KIF1B: variants seen among roughly 807,000 people sequenced by gnomAD.
The protein encoded by KIF1B is kinesin family member 1B.
A neutral mutation model predicts 241.9 loss-of-function variants in KIF1B; 76 were observed. That is an observed-to-expected ratio of 0.31 (90% CI 0.26 to 0.38). The LOEUF (loss-of-function observed/expected upper bound fraction) is 0.38, where lower values mean the gene tolerates loss of function less well. Among genes scored for constraint, KIF1B ranks in the 10% least tolerant of loss-of-function variants. The probability of loss-of-function intolerance (pLI) is 1.00; values close to 1 mark genes in which losing one functional copy is unlikely to be tolerated. For missense variants in KIF1B, 1,622 were observed against 2,271.4 expected (o/e 0.71, Z 5.81); for synonymous variants, 750 against 796.7 (o/e 0.94, Z 0.99).
rs568393252 is a variant in KIF1B at position 10,332,501 on chromosome 1, A to ATTTT, written c.2925-1990_2925-1987dup. ...GTCACCCTGCCTGAAGATAATAGTC[A>ATTTT]TTTTTTTTTTTTTTTTTTTTTTTTT... On this transcript the variant is annotated intron_variant, in intron 27 of 48. Transcript: ENST00000676179. Among the ~76,000 whole-genome samples, 75 of 58,694 alleles carry ATTTT rather than the reference A, an allele frequency of 1.3e-3. 13 individuals are homozygous for ATTTT. The highest frequency in any genetic ancestry group is 4.3e-3 in the African/African-American group (66 of 15,260). 38.5% of individuals were successfully genotyped at this position (58,694 alleles called of 152,430 possible).
intron 43 of KIF1B, among the ~76,000 whole-genome samples, chr1:10,367,323 T>C (rs1432552868): frequency 1.3e-5 from 2 of 151,438 alleles, no homozygotes; most frequent in African/African-American, 4.8e-5. Flanking sequence ...CTTGAACTCC[T>C]GACCTCAGGT....
chr1:10,297,288 C>G (rs1287942005), intron 22 of KIF1B, 42 bp downstream of exon 22: 1 of 1,558,858 alleles, frequency 6.4e-7, no homozygotes, highest in Non-Finnish European at 8.8e-7. Flanking sequence ...AAAAGGGCAG[C>G]TTGTTCCCAT....
chr1:10,268,064 T>G, intron 6 of KIF1B, 88 bp from the exon 7 acceptor site: 2 of 836,320 alleles, frequency 2.4e-6, no homozygotes, highest in Non-Finnish European at 2.0e-6. Flanking sequence ...TGCTTGTGAT[T>G]GTTATGCTTA....
Position 10,282,443 on chromosome 1 carries a change from C to T in KIF1B, c.1344C>T (p.Leu448=). The T allele has an allele frequency of 1.2e-6, 2 of 1,614,132 alleles. No homozygotes were observed. The highest frequency in any genetic ancestry group is 1.7e-6 in the Non-Finnish European group (2 of 1,179,990). ...SLTSSPSSCS[L]SSQVGLTSVT... ...CTTCATCCCCATCTTCCTGCTCACT[C>T]AGTAGTCAGGTGGGCTTGACGTCTG... is the stretch of plus-strand genomic sequence containing the variant. The change falls in exon 15 of 49, where the codon CTC becomes CTT. Residue 448 remains leucine, a synonymous_variant. Transcript: ENST00000676179.
At chr1:10,274,901 C>T (rs1167992668) in intron 10 of KIF1B, 4 of 390,848 alleles carry the variant, frequency 1.0e-5, no homozygotes, top group East Asian at 8.9e-5. Context: ...AAAACATGAC[C>T]TTTTCCTTCA....
At chr1:10,220,401 A>T (rs142891032) in intron 1 of KIF1B, among the ~76,000 whole-genome samples, 4 of 54,666 alleles carry the variant, frequency 7.3e-5, no homozygotes, top group African/African-American at 2.2e-4. Flanking sequence ...GATAGATGAT[A>T]GATAGATAGA....
chr1:10,334,688 C>T (rs780578773), intron 28 of KIF1B, 50 bp downstream of exon 28: 9 of 1,429,050 alleles, frequency 6.3e-6, no homozygotes, highest in South Asian at 1.1e-5. Context: ...TGTCTAGAGA[C>T]AAAGCAGGCT....
At position 10,295,130 on chromosome 1, in the gene KIF1B, G is replaced by A. The variant is rs1396304116; in HGVS notation, c.1635G>A (p.Glu545=). 4 of 1,608,906 alleles carry A rather than the reference G, an allele frequency of 2.5e-6. No homozygotes were observed. Among genetic ancestry groups the A allele is most frequent in the East Asian group, 2.2e-5 (1 of 44,862 alleles). ...VNLNEDPLMS[E]CLLYYIKDGI... is the part of the protein sequence containing the mutation. ...TCAATGAAGACCCACTAATGTCTGA[G>A]TGCCTACTTTATTACATCAAAGATG... The change falls in exon 18 of 49, where the codon GAG becomes GAA. Residue 545 remains glutamate, a synonymous_variant. Coordinates refer to ENST00000676179, the MANE Select transcript of KIF1B (RefSeq NM_001365951.3).
chr1:10,226,765 G>A (rs567762780), intron 1 of KIF1B, among the ~76,000 whole-genome samples: 5 of 152,076 alleles, frequency 3.3e-5, no homozygotes, highest in Admixed American at 2.0e-4. Flanking sequence ...CCAGGAGTTC[G>A]AGACCAGCCT....
chr1:10,249,848 G>A (rs1288384002), intron 2 of KIF1B, among the ~76,000 whole-genome samples: 2 of 152,180 alleles, frequency 1.3e-5, no homozygotes, highest in Non-Finnish European at 2.9e-5. Flanking sequence ...GGATGCGTGA[G>A]CTGTAATCTC....
chr1:10,232,468 C>T, intron 2 of KIF1B, 34 bp downstream of exon 2: 1 of 1,423,178 alleles, frequency 7.0e-7, no homozygotes. Flanking sequence ...AGCTGTGTAT[C>T]TTACTTTCCT....
chr1:10,308,673 T>C, intron 22 of KIF1B: 2 of 966,426 alleles, frequency 2.1e-6, no homozygotes, highest in Non-Finnish European at 2.5e-6. Context: ...TTTTGACTTT[T>C]ATTTATTGCT....
intron 25 of KIF1B, among the ~76,000 whole-genome samples, chr1:10,324,406 G>C (rs1311793579): frequency 6.6e-6 from 1 of 152,140 alleles, no homozygotes; most frequent in Non-Finnish European, 1.5e-5. Context: ...AAACATGGAA[G>C]TTATAATCTG....
In KIF1B at chr1:10,336,685, T is replaced by C. The variant is rs1253367802; in HGVS notation, c.3072T>C (p.Ser1024=). 2 of 1,614,142 alleles carry C rather than the reference T, an allele frequency of 1.2e-6. No homozygotes were observed. Among genetic ancestry groups the C allele is most frequent in the Non-Finnish European group, 1.7e-6 (2 of 1,179,966 alleles). Residue 1024 remains serine, a synonymous_variant, in exon 29 of 49, where the codon TCT becomes TCC. Coordinates refer to ENST00000676179, the MANE Select transcript of KIF1B (RefSeq NM_001365951.3). ...ATGAAGAAGCTCCTGATTATGGCTC[T>C]GGAATTCGACAGTCAGGAACAGCTA... ...AADEEAPDYG[S]GIRQSGTAKI...
At chr1:10,229,119 A>C (rs1646945959) in intron 1 of KIF1B, among the ~76,000 whole-genome samples, 1 of 152,214 alleles carries the variant, frequency 6.6e-6, no homozygotes, top group Admixed American at 6.5e-5. Flanking sequence ...ATAGTACTCA[A>C]CTAGTGAATA....
Position 10,363,163 on chromosome 1 carries a change from A to G in KIF1B, c.4305-120A>G, listed in dbSNP as rs1638470525. The G allele has an allele frequency of 5.5e-6, 4 of 733,178 alleles. No homozygotes were observed. The Admixed American group carries it at 6.8e-5, about 12-fold the overall frequency. The allele number at this position is 733,178 out of a possible 1,614,324, so 45.4% of individuals were successfully genotyped here. A position where few individuals can be genotyped will look rare whatever the true frequency, so the allele number is the denominator to read the frequency against. ...AAGAAAAGAGCGGTGACAAATAAGAAATGCCTGGAATTATATTTGAGTCCC... is the reference window on the plus strand; with the variant it reads ...AAGAAAAGAGCGGTGACAAATAAGAGATGCCTGGAATTATATTTGAGTCCC... On this transcript the variant is annotated intron_variant, in intron 40 of 48. Coordinates refer to ENST00000676179, the MANE Select transcript of KIF1B (RefSeq NM_001365951.3).
At position 10,378,102 on chromosome 1, in the gene KIF1B, C is replaced by G; in HGVS notation, c.*1515C>G. The G allele has an allele frequency of 1.8e-6, 1 of 570,430 alleles. No homozygotes were observed. The highest frequency in any genetic ancestry group is 3.1e-6 in the Non-Finnish European group (1 of 319,796). The allele number at this position is 570,430 out of a possible 1,614,324, so 35.3% of individuals were successfully genotyped here. ...TTGAAGATGCTTTCAGTGATGCTCT[C>G]TATACTCATAAATAAGCAAATGTGG... On this transcript the variant is annotated 3_prime_UTR_variant, in exon 49 of 49. Transcript: ENST00000676179.
At chr1:10,242,144 G>C (rs1178662783) in intron 2 of KIF1B, among the ~76,000 whole-genome samples, 1 of 152,164 alleles carries the variant, frequency 6.6e-6, no homozygotes, top group Non-Finnish European at 1.5e-5. Flanking sequence ...TTGTTATTCA[G>C]CAAGCCTAGG....
At chr1:10,276,657 C>G (rs1053209969) in intron 12 of KIF1B, among the ~76,000 whole-genome samples, 2 of 152,034 alleles carry the variant, frequency 1.3e-5, no homozygotes, top group Admixed American at 1.3e-4. Context: ...AAGGCAGGAG[C>G]TTTTTCATAG....
Sources: gnomAD v4.1 joint callset for allele counts (sites outside exome capture counted in the v4.1 genomes callset) on GRCh38, gnomAD v4.1.1 for gene constraint, MANE v1.5 for transcripts, NCBI Gene and HGNC (gene_info 2026-07-23, HGNC 2026-07-21) for gene names.